Variants in POLR3G observed in about 807,000 individuals in gnomAD.
POLR3G encodes the protein DNA-directed RNA polymerase III subunit RPC7.
A neutral mutation model predicts 30.1 loss-of-function variants in POLR3G; 28 were observed. The ratio of observed to expected loss-of-function variants is 0.93; its 90% CI spans 0.69 to 1.27. The LOEUF (loss-of-function observed/expected upper bound fraction) is 1.27. Among genes scored for constraint, POLR3G ranks in the 50% most tolerant of loss-of-function variants. The pLI is 0.00. For synonymous variants in POLR3G, 79 were observed against 82.5 expected (o/e 0.96, Z 0.23); for missense variants, 254 against 264.6 (o/e 0.96, Z 0.28).
chr5:90,479,733 G>A (rs1484909971), intron 1 of POLR3G, among the ~76,000 whole-genome samples: 1 of 152,090 alleles, frequency 6.6e-6, no homozygotes, highest in East Asian at 1.9e-4. Flanking sequence ...AAGTCAGGGA[G>A]GCAGAGGGAG....
chr5:90,505,778 GC>G (rs903533945), intron 6 of POLR3G, among the ~76,000 whole-genome samples: 2 of 152,136 alleles, frequency 1.3e-5, no homozygotes, highest in Admixed American at 1.3e-4. Context: ...AGGATGACTT[GC>G]TATTATAATA....
chr5:90,489,258 ATTTTTTT>A (rs527243253), intron 3 of POLR3G, among the ~76,000 whole-genome samples: 2 of 138,276 alleles, frequency 1.4e-5, no homozygotes, highest in Admixed American at 7.4e-5. Flanking sequence ...AAAATACTTA[ATTTTTTT>A]TTTTTTTTTT....
At chr5:90,506,489 G>C in intron 6 of POLR3G, 39 bp from the exon 7 acceptor site, 13 of 1,599,974 alleles carry the variant, frequency 8.1e-6, no homozygotes, top group Non-Finnish European at 1.1e-5. Flanking sequence ...CAGCAGTCTA[G>C]TGGTTTCCAT....
Position 90,512,238 on chromosome 5 carries a change from T to G in POLR3G, c.*99T>G, listed in dbSNP as rs971914810. The G allele has an allele frequency of 2.5e-6, 2 of 789,390 alleles. No individual in the cohort carries two copies. The highest frequency in any genetic ancestry group is 3.5e-5 in the African/African-American group (2 of 57,512). The allele number at this position is 789,390 out of a possible 1,614,324, so 48.9% of individuals were successfully genotyped here. The stretch of plus-strand genomic sequence containing the variant: ...TTCTGATAAGGAATAAGTACTTGTT[T>G]CTGTTGTTTTGGACAAATAGTTGTT... On this transcript the variant is annotated 3_prime_UTR_variant, in exon 8 of 8. Coordinates refer to ENST00000651687, the MANE Select transcript of POLR3G (RefSeq NM_006467.3).
In POLR3G at chr5:90,513,472, T is replaced by C. The variant is rs1752828762; in HGVS notation, c.*1333T>C. The C allele has an allele frequency of 6.6e-6, 1 of 152,630 alleles. No homozygotes were observed. The highest frequency in any genetic ancestry group is 1.5e-5 in the Non-Finnish European group (1 of 68,016). 9.5% of individuals were successfully genotyped at this position (152,630 alleles called of 1,614,324 possible). ...CTTAAAGATCACTTCTTAACTTACA[T>C]TTGGCTCTCACCCTCTAAAAATTTG... On this transcript the variant is annotated 3_prime_UTR_variant, in exon 8 of 8. Transcript: ENST00000651687.
chr5:90,480,145 G>A (rs1254922768), intron 1 of POLR3G, among the ~76,000 whole-genome samples: 1 of 152,164 alleles, frequency 6.6e-6, no homozygotes, highest in Non-Finnish European at 1.5e-5. Context: ...ATGAAGTAGA[G>A]AAACATTTGG....
At chr5:90,479,893 A>G (rs1225789970) in intron 1 of POLR3G, among the ~76,000 whole-genome samples, 1 of 152,222 alleles carries the variant, frequency 6.6e-6, no homozygotes, top group Non-Finnish European at 1.5e-5. Context: ...TAGCAGAATC[A>G]AAACTGTGCT....
At chr5:90,474,762 C>T, upstream of POLR3G, 1 of 181,788 alleles carries the variant, frequency 5.5e-6, no homozygotes, top group South Asian at 1.1e-4. Flanking sequence ...TGGGGCCTCG[C>T]GGGTTGTACG....
rs186674893 is a variant in POLR3G, at chr5:90,488,640, T to G, written c.247+511T>G. 3.3e-5 allele frequency among the ~76,000 whole-genome samples: 5 copies of G among 152,292 alleles called. No homozygotes were observed. The East Asian group carries it at 9.6e-4, about 29-fold the overall frequency. ...AACTAATTTCCTGCTTTTTAAATAT[T>G]ATTTTCAGTTTTTTGCTTGTATATA... On this transcript the variant is annotated intron_variant, in intron 3 of 7. Coordinates refer to ENST00000651687, the MANE Select transcript of POLR3G (RefSeq NM_006467.3).
In POLR3G at chr5:90,514,107, G is replaced by A. The variant is rs1209649298; in HGVS notation, c.*1968G>A. The A allele has an allele frequency of 6.6e-6, 1 of 152,198 alleles. No individual in the cohort carries two copies. The highest frequency in any genetic ancestry group is 1.5e-5 in the Non-Finnish European group (1 of 68,028). 9.4% of individuals were successfully genotyped at this position (152,198 alleles called of 1,614,324 possible). On this transcript the variant is annotated 3_prime_UTR_variant, in exon 8 of 8. Transcript: ENST00000651687. ...GATTTACTCTGGGAGGTACCGTTAA[G>A]AGCCTTCTTTCCCCCTTTGAAAGAT...
At chr5:90,476,481 T>C (rs1204447480) in intron 1 of POLR3G, among the ~76,000 whole-genome samples, 1 of 152,224 alleles carries the variant, frequency 6.6e-6, no homozygotes, top group African/African-American at 2.4e-5. Context: ...GAGTGGCTTT[T>C]GAGCTGGCCT....
chr5:90,502,960 T>C (rs371459495), intron 6 of POLR3G, among the ~76,000 whole-genome samples: 1 of 152,194 alleles, frequency 6.6e-6, no homozygotes, highest in African/African-American at 2.4e-5. Flanking sequence ...TTCACCTGTG[T>C]AGGGTAGATT....
intron 1 of POLR3G, among the ~76,000 whole-genome samples, chr5:90,480,900 C>T (rs1182078504): frequency 6.6e-6 from 1 of 152,040 alleles, no homozygotes; most frequent in Non-Finnish European, 1.5e-5. Flanking sequence ...TCTCTAGGCT[C>T]AGCATATGTT....
intron 3 of POLR3G, among the ~76,000 whole-genome samples, chr5:90,491,046 T>C (rs1477135264): frequency 1.3e-5 from 2 of 152,036 alleles, no homozygotes; most frequent in African/African-American, 2.4e-5. Context: ...GACAGACAAA[T>C]AGGGTGAGAG....
chr5:90,485,544 A>C lies in POLR3G; in HGVS notation c.-24A>C, dbSNP rs1378647622. 6.5e-7 allele frequency: 1 copy of C among 1,528,054 alleles called. No homozygotes were observed. The highest frequency in any genetic ancestry group is 9.0e-7 in the Non-Finnish European group (1 of 1,115,124). The allele number at this position is 1,528,054 out of a possible 1,614,324, so 94.7% of individuals were successfully genotyped here. ...TAATAGTGCCTTTCAGAATTTGCCC[A>C]CTCATCTGGTATAACTGGTTCTGAT... On this transcript the variant is annotated 5_prime_UTR_variant, in exon 2 of 8. Coordinates refer to ENST00000651687, the MANE Select transcript of POLR3G (RefSeq NM_006467.3).
chr5:90,478,496 TTTAGGTAATCAAGTAACCGCTTAGGGTG>T (rs1461341072), intron 1 of POLR3G, among the ~76,000 whole-genome samples: 1 of 151,674 alleles, frequency 6.6e-6, no homozygotes, highest in East Asian at 1.9e-4. Flanking sequence ...GCTTTGCGTC[TTTAGGTAATCAAGTAACCGCTTAGGGTG>T]TTGCTTTCCT....
At position 90,504,698 on chromosome 5, in the gene POLR3G, T is replaced by A. The variant is rs547807579; in HGVS notation, c.439-1830T>A. Among the ~76,000 whole-genome samples the A allele has an allele frequency of 5.1e-3, 779 of 152,342 alleles. 7 individuals are homozygous for A. Among genetic ancestry groups the A allele is most frequent in the African/African-American group, 0.018 (746 of 41,566 alleles). On this transcript the variant is annotated intron_variant, in intron 6 of 7. Transcript: ENST00000651687. The stretch of plus-strand genomic sequence containing the variant: ...AAATAAATATGGCACTACAATTTCC[T>A]ATTAACTATACAACTTATTGGTTGC...
intron 7 of POLR3G, among the ~76,000 whole-genome samples, chr5:90,507,435 AATTTGT>A: frequency 6.6e-6 from 1 of 152,282 alleles, no homozygotes; most frequent in South Asian, 2.1e-4. Context: ...ATTCTTTTGA[AATTTGT>A]ATTAGTATAA....
Position 90,512,371 on chromosome 5 carries a change from T to C in POLR3G, c.*232T>C, listed in dbSNP as rs1752783666. 2.5e-5 allele frequency: 10 copies of C among 400,876 alleles called. No individual in the cohort carries two copies. Among genetic ancestry groups the C allele is most frequent in the Non-Finnish European group, 3.2e-5 (7 of 216,492 alleles). 24.8% of individuals were successfully genotyped at this position (400,876 alleles called of 1,614,324 possible). On this transcript the variant is annotated 3_prime_UTR_variant, in exon 8 of 8. Transcript: ENST00000651687. ...CACCTCTGCCATCTCTCTTATGTAC[T>C]CTCATGGGTTTTTTTGTATGATTTG...
Sources: gnomAD v4.1 joint callset for allele counts (sites outside exome capture counted in the v4.1 genomes callset) on GRCh38, gnomAD v4.1.1 for gene constraint, MANE v1.5 for transcripts, NCBI Gene and HGNC (gene_info 2026-07-23, HGNC 2026-07-21) for gene names.